Variants in SLC5A12 observed in about 807,000 individuals in gnomAD.
SLC5A12 encodes sodium-coupled monocarboxylate transporter 2.
A neutral mutation model predicts 72.7 loss-of-function variants in SLC5A12; 46 were observed. The observed-to-expected ratio is 0.63, with a 90% CI of 0.50 to 0.81. The LOEUF is 0.81. Ranked by LOEUF, SLC5A12 falls within the 30% of genes least tolerant of loss-of-function variation. SLC5A12 has a pLI of 0.00. For missense variants in SLC5A12, 683 were observed against 740.7 expected (o/e 0.92, Z 0.90); for synonymous variants, 275 against 264.4 (o/e 1.04, Z -0.39).
intron 1 of SLC5A12, among the ~76,000 whole-genome samples, chr11:26,715,741 T>C (rs1855336484): frequency 6.6e-6 from 1 of 152,198 alleles, no homozygotes; most frequent in African/African-American, 2.4e-5. Context: ...GAGGAACTCT[T>C]TTCTATCACA....
At chr11:26,701,327 A>G (rs1362144896) in intron 6 of SLC5A12, among the ~76,000 whole-genome samples, 1 of 152,212 alleles carries the variant, frequency 6.6e-6, no homozygotes, top group East Asian at 1.9e-4. Flanking sequence ...TCACAAAATT[A>G]CTATCACAGT....
chr11:26,706,658 T>C (rs1039615889), intron 4 of SLC5A12, among the ~76,000 whole-genome samples: 15 of 151,924 alleles, frequency 9.9e-5, no homozygotes, highest in African/African-American at 3.6e-4. Flanking sequence ...ATTTTAAATG[T>C]AGAGTAAATA....
At chr11:26,720,310 C>T (rs1855447876) in intron 1 of SLC5A12, among the ~76,000 whole-genome samples, 1 of 144,356 alleles carries the variant, frequency 6.9e-6, no homozygotes, top group Admixed American at 7.1e-5. Flanking sequence ...GGAAACATAG[C>T]AAAAGCCCCA....
chr11:26,702,802 A>T (rs898067203), intron 6 of SLC5A12, among the ~76,000 whole-genome samples: 2 of 152,062 alleles, frequency 1.3e-5, no homozygotes, highest in Non-Finnish European at 2.9e-5. Context: ...AGTGAGCTTA[A>T]CCTTTGCAAA....
intron 1 of SLC5A12, among the ~76,000 whole-genome samples, chr11:26,718,399 C>T (rs1855400374): frequency 6.6e-6 from 1 of 152,176 alleles, no homozygotes; most frequent in Non-Finnish European, 1.5e-5. Context: ...GGTCATGCAG[C>T]TAGCAAGTGG....
At chr11:26,684,803 A>C (rs965589950) in intron 10 of SLC5A12, among the ~76,000 whole-genome samples, 17 of 152,202 alleles carry the variant, frequency 1.1e-4, no homozygotes, top group Admixed American at 1.0e-3. Flanking sequence ...TTAGTGACTC[A>C]AATCACCAGT....
intron 4 of SLC5A12, chr11:26,709,052 G>A (rs963331662): frequency 3.1e-6 from 1 of 324,152 alleles, no homozygotes; most frequent in Admixed American, 4.4e-5. Context: ...TAATCAAGAA[G>A]ACTTTTTCAT....
chr11:26,684,028 A>G (rs1050436423), intron 10 of SLC5A12, among the ~76,000 whole-genome samples, 185 bp from the exon 11 acceptor site: 27 of 148,052 alleles, frequency 1.8e-4, no homozygotes, highest in Non-Finnish European at 2.8e-4. Context: ...GTATTTATGT[A>G]TGTGTGTGTG....
chr11:26,681,923 G>C (rs2133146753), intron 11 of SLC5A12, among the ~76,000 whole-genome samples: 1 of 152,096 alleles, frequency 6.6e-6, no homozygotes, highest in East Asian at 1.9e-4. Flanking sequence ...GAAAAAAATA[G>C]AAGAGGCCTT....
At chr11:26,712,885 T>C (rs925026073) in intron 1 of SLC5A12, among the ~76,000 whole-genome samples, 179 bp from the exon 2 acceptor site, 2 of 152,126 alleles carry the variant, frequency 1.3e-5, no homozygotes, top group Non-Finnish European at 2.9e-5. Context: ...CAAAGATCTA[T>C]TAAAAATCAA....
At chr11:26,698,817 G>T (rs1854891007) in intron 6 of SLC5A12, among the ~76,000 whole-genome samples, 1 of 151,992 alleles carries the variant, frequency 6.6e-6, no homozygotes, top group South Asian at 2.1e-4. Context: ...TGTGGTATGA[G>T]ATCTATTCTC....
intron 1 of SLC5A12, among the ~76,000 whole-genome samples, chr11:26,716,585 C>A (rs1229735024): frequency 6.6e-6 from 1 of 152,076 alleles, no homozygotes; most frequent in Non-Finnish European, 1.5e-5. Context: ...ATTTTCAGAA[C>A]CCCAAACTTG....
At chr11:26,689,954 G>C (rs528228366) in intron 9 of SLC5A12, among the ~76,000 whole-genome samples, 12 of 152,210 alleles carry the variant, frequency 7.9e-5, no homozygotes, top group African/African-American at 2.9e-4. Flanking sequence ...TAACACAATA[G>C]CATAATTAAA....
intron 7 of SLC5A12, 86 bp downstream of exon 7, chr11:26,698,320 A>G (rs1854875268): frequency 1.3e-6 from 2 of 1,527,246 alleles, no homozygotes; most frequent in South Asian, 1.3e-5. Context: ...GTCCAGGAAG[A>G]AAAAGAGAAA....
intron 14 of SLC5A12, among the ~76,000 whole-genome samples, chr11:26,671,795 A>G (rs1376621445): frequency 6.6e-6 from 1 of 152,136 alleles, no homozygotes; most frequent in Non-Finnish European, 1.5e-5. Context: ...TATTCCAGGA[A>G]ATTCTATCTT....
intron 6 of SLC5A12, among the ~76,000 whole-genome samples, chr11:26,700,506 A>AAAATAAAT (rs57501561): frequency 0.016 from 2,411 of 150,030 alleles, 55 homozygotes; most frequent in African/African-American, 0.046. Context: ...ATGAACACTG[A>AAAATAAAT]AAATAAATAA....
At chr11:26,708,363 A>T (rs1181839990) in intron 4 of SLC5A12, among the ~76,000 whole-genome samples, 2 of 151,974 alleles carry the variant, frequency 1.3e-5, no homozygotes, top group Non-Finnish European at 2.9e-5. Context: ...CTGGAATAGA[A>T]TCATGGTAAT....
At chr11:26,692,663 C>T in intron 8 of SLC5A12, 62 bp from the exon 9 acceptor site, 1 of 1,188,302 alleles carries the variant, frequency 8.4e-7, no homozygotes, top group Non-Finnish European at 1.3e-6. Flanking sequence ...ACCAGCCTGC[C>T]CTCTTGTCCA....
chr11:26,720,144 G>A (rs1855444325), intron 1 of SLC5A12, among the ~76,000 whole-genome samples: 1 of 151,986 alleles, frequency 6.6e-6, no homozygotes, highest in Admixed American at 6.6e-5. Flanking sequence ...TATGAAGTAA[G>A]CTCCATGACA....
Sources: allele counts gnomAD v4.1 joint callset (sites outside exome capture counted in the v4.1 genomes callset), GRCh38; gene constraint gnomAD v4.1.1; transcripts MANE v1.5; gene names NCBI Gene and HGNC (gene_info 2026-07-23, HGNC 2026-07-21).